The following PTPN4 variants were observed in gnomAD, a reference collection of about 807,000 sequenced individuals.
PTPN4 encodes the protein tyrosine-protein phosphatase non-receptor type 4.
PTPN4 carries 49 observed loss-of-function variants against 135.5 expected under a neutral mutation model. The ratio of observed to expected loss-of-function variants is 0.36; its 90% confidence interval spans 0.29 to 0.46. PTPN4 has a LOEUF of 0.46. PTPN4 is among the 20% of genes least tolerant of loss of function. The pLI is 1.00. For synonymous variants in PTPN4, 333 were observed against 369.9 expected (o/e 0.90, Z 1.14); for missense variants, 860 against 1,101.0 (o/e 0.78, Z 3.10).
chr2:119,970,748 A>G (rs1303125326), intron 26 of PTPN4, among the ~76,000 whole-genome samples: 2 of 152,190 alleles, frequency 1.3e-5, no homozygotes, highest in African/African-American at 2.4e-5. Context: ...CTTTTTGGTT[A>G]TTATGAGTAA....
In PTPN4 at chr2:119,760,094, C is replaced by A. The variant is rs924471105; in HGVS notation, c.-308C>A. ...TCGGAGGATTGGGGCCAGGCCCCCTCCCCCACGCACTTTTGGGGGTGTGGA... is the reference window on the plus strand; with the variant it reads ...TCGGAGGATTGGGGCCAGGCCCCCTACCCCACGCACTTTTGGGGGTGTGGA... On this transcript the variant is annotated 5_prime_UTR_variant, in exon 1 of 27. Coordinates refer to ENST00000263708, the MANE Select transcript of PTPN4 (RefSeq NM_002830.4). 1.8e-5 allele frequency: 7 copies of A among 386,642 alleles called. No individual in the cohort carries two copies. The allele number at this position is 386,642 out of a possible 1,614,324, so 24.0% of individuals were successfully genotyped here.
intron 2 of PTPN4, among the ~76,000 whole-genome samples, chr2:119,862,221 A>G (rs1450697178): frequency 6.6e-6 from 1 of 152,210 alleles, no homozygotes; most frequent in African/African-American, 2.4e-5. Flanking sequence ...CAGTTTGCCT[A>G]AGGTCAGGTT....
At position 119,825,443 on chromosome 2, in the gene PTPN4, G is replaced by A. The variant is rs1276080759; in HGVS notation, c.138+15452G>A. Among the ~76,000 whole-genome samples the A allele has an allele frequency of 4.6e-5, 7 of 151,698 alleles. No individual in the cohort carries two copies. The South Asian group carries it at 1.0e-3, about 23-fold the overall frequency. On this transcript the variant is annotated intron_variant, in intron 2 of 26. Coordinates refer to ENST00000263708, the MANE Select transcript of PTPN4 (RefSeq NM_002830.4). ...GAGGAATCAAATCCAGGGATTTTGC[G>A]GCTTGCCCACAGCCACGTGCTAAGC...
intron 1 of PTPN4, among the ~76,000 whole-genome samples, chr2:119,787,760 C>G (rs1357277336): frequency 1.3e-5 from 2 of 152,120 alleles, no homozygotes; most frequent in Non-Finnish European, 2.9e-5. Flanking sequence ...ATTTCTTCAT[C>G]TATAGAAATA....
chr2:119,961,065 T>C, intron 23 of PTPN4, 112 bp downstream of exon 23: 1 of 1,210,718 alleles, frequency 8.3e-7, no homozygotes, highest in Non-Finnish European at 1.1e-6. Flanking sequence ...TAATCTTCTT[T>C]TCTTGTGGTT....
At chr2:119,846,047 G>A (rs1394193505) in intron 2 of PTPN4, among the ~76,000 whole-genome samples, 1 of 152,146 alleles carries the variant, frequency 6.6e-6, no homozygotes. Context: ...TGTTGTTGGA[G>A]AATATGTTGG....
At chr2:119,837,970 G>T (rs1020084121) in intron 2 of PTPN4, among the ~76,000 whole-genome samples, 6 of 152,214 alleles carry the variant, frequency 3.9e-5, no homozygotes, top group Non-Finnish European at 1.5e-5. Flanking sequence ...GCTGCTCCGC[G>T]CCTGACTCGC....
intron 22 of PTPN4, among the ~76,000 whole-genome samples, chr2:119,959,465 C>T (rs907132236): frequency 2.0e-5 from 3 of 152,198 alleles, no homozygotes; most frequent in South Asian, 2.1e-4. Context: ...TGGGGCCAGG[C>T]GCAGTAGCGC....
chr2:119,867,459 A>G (rs904720933), intron 3 of PTPN4, among the ~76,000 whole-genome samples: 14 of 152,166 alleles, frequency 9.2e-5, no homozygotes, highest in Admixed American at 9.2e-4. Context: ...CAAGGTTACT[A>G]CTTCAAATTC....
chr2:119,808,529 C>CTT (rs1691523041), intron 1 of PTPN4, among the ~76,000 whole-genome samples: 2 of 152,128 alleles, frequency 1.3e-5, no homozygotes, highest in African/African-American at 4.8e-5. Flanking sequence ...ATGTGAAGGA[C>CTT]CTGTTCAAGG....
chr2:119,802,043 A>G (rs1691385455), intron 1 of PTPN4, among the ~76,000 whole-genome samples: 1 of 151,696 alleles, frequency 6.6e-6, no homozygotes, highest in Admixed American at 6.6e-5. Flanking sequence ...TGGGACTACA[A>G]CAGGCGCCCG....
At chr2:119,889,035 TTTC>T (rs1286118412) in intron 9 of PTPN4, among the ~76,000 whole-genome samples, 3 of 152,208 alleles carry the variant, frequency 2.0e-5, no homozygotes, top group African/African-American at 7.2e-5. Context: ...AGGTTTTCTA[TTTC>T]TTCTTGATTC....
At chr2:119,784,922 C>A (rs940662756) in intron 1 of PTPN4, among the ~76,000 whole-genome samples, 1 of 146,464 alleles carries the variant, frequency 6.8e-6, no homozygotes. Flanking sequence ...CTGGGTTCCT[C>A]ATCCTTTCCA....
At chr2:119,877,427 T>G in intron 4 of PTPN4, 37 bp from the exon 5 acceptor site, 1 of 1,606,426 alleles carries the variant, frequency 6.2e-7, no homozygotes, top group South Asian at 1.1e-5. Context: ...AGGATTAATA[T>G]AGTCTGATTA....
Position 119,915,192 on chromosome 2 carries a change from A to C in PTPN4, c.778A>C (p.Lys260Gln). ...MNTFPWLKIV[K>Q]ISFKCKQFFI... ...TCTTTTGTCCAGGTTGAAGATTGTA[A>C]AAATTTCTTTTAAGTGCAAACAGTT... The change falls in exon 11 of 27, where the codon AAA (lysine) becomes CAA (glutamine). Residue 260 changes from lysine (K) to glutamine (Q), a missense_variant. This residue lies in a region of PTPN4 where 684 missense variants were observed against 807.0 expected (regional missense o/e 0.85). Coordinates refer to ENST00000263708, the MANE Select transcript of PTPN4 (RefSeq NM_002830.4). 1.3e-6 allele frequency: 2 copies of C among 1,544,508 alleles called. No individual in the cohort carries two copies. The highest frequency in any genetic ancestry group is 4.8e-5 in the East Asian group (2 of 41,960).
chr2:119,823,432 A>C (rs1035946858), intron 2 of PTPN4, among the ~76,000 whole-genome samples: 44 of 151,970 alleles, frequency 2.9e-4, no homozygotes, highest in African/African-American at 1.0e-3. Flanking sequence ...ATGGGGTTTC[A>C]CCATATTAGC....
At chr2:119,773,117 A>T (rs990241996) in intron 1 of PTPN4, among the ~76,000 whole-genome samples, 17 of 152,100 alleles carry the variant, frequency 1.1e-4, no homozygotes, top group African/African-American at 4.1e-4. Context: ...CATGTTTATT[A>T]ATTTCATTTC....
At position 119,981,035 on chromosome 2, in the gene PTPN4, C is replaced by T. The variant is rs1679684883; in HGVS notation, c.*3965C>T. 6.6e-6 allele frequency: 1 copy of T among 151,984 alleles called. No homozygotes were observed. Among genetic ancestry groups the T allele is most frequent in the South Asian group, 2.1e-4 (1 of 4,826 alleles). The allele number at this position is 151,984 out of a possible 1,614,324, so 9.4% of individuals were successfully genotyped here. On this transcript the variant is annotated 3_prime_UTR_variant, in exon 27 of 27. Transcript: ENST00000263708. ...TTTATAACAATGTGCTATTTAATAT[C>T]TGTATTTTGAACATTTAAAATACTC...
At chr2:119,830,749 A>T (rs1205216359) in intron 2 of PTPN4, among the ~76,000 whole-genome samples, 1 of 152,078 alleles carries the variant, frequency 6.6e-6, no homozygotes, top group African/African-American at 2.4e-5. Flanking sequence ...GGCATGAGCC[A>T]CCGTGCCTGG....
Sources: allele counts gnomAD v4.1 joint callset (sites outside exome capture counted in the v4.1 genomes callset), GRCh38; gene constraint gnomAD v4.1.1; regional missense constraint gnomAD v4.1.1; transcripts MANE v1.5; gene names NCBI Gene and HGNC (gene_info 2026-07-23, HGNC 2026-07-21).